Variants in KCTD16 observed in about 807,000 individuals in gnomAD.
The protein encoded by KCTD16 is potassium channel tetramerization domain containing 16, also known as BTB/POZ domain-containing protein KCTD16.
KCTD16 carries 13 observed loss-of-function variants against 33.2 expected under a neutral mutation model. That is an observed-to-expected ratio of 0.39 (90% CI 0.25 to 0.62). The LOEUF (loss-of-function observed/expected upper bound fraction) is 0.62. Ranked by LOEUF, KCTD16 falls within the 20% of genes least tolerant of loss-of-function variation. The probability of loss-of-function intolerance (pLI) is 0.50; values close to 1 mark genes in which losing one functional copy is unlikely to be tolerated. For synonymous variants in KCTD16, 197 were observed against 195.3 expected (o/e 1.01, Z -0.07); for missense variants, 441 against 525.1 (o/e 0.84, Z 1.57).
At chr5:144,387,530 A>G (rs1391089972) in intron 3 of KCTD16, among the ~76,000 whole-genome samples, 1 of 152,168 alleles carries the variant, frequency 6.6e-6, no homozygotes, top group African/African-American at 2.4e-5. Flanking sequence ...GATGCTTCTC[A>G]ACTTACTTAA....
chr5:144,203,598 T>A (rs1421632733), intron 2 of KCTD16, among the ~76,000 whole-genome samples: 1 of 152,178 alleles, frequency 6.6e-6, no homozygotes, highest in African/African-American at 2.4e-5. Context: ...GATTATAATT[T>A]TTCTTACTCT....
chr5:144,286,429 G>A (rs1210143236), intron 3 of KCTD16, among the ~76,000 whole-genome samples: 2 of 152,244 alleles, frequency 1.3e-5, no homozygotes, highest in South Asian at 2.1e-4. Flanking sequence ...TGGAAGAAAA[G>A]TCACTTAACA....
chr5:144,408,922 C>A lies in KCTD16; in HGVS notation c.833-64738C>A, dbSNP rs1752870918. Among the ~76,000 whole-genome samples the A allele has an allele frequency of 2.0e-5, 3 of 152,164 alleles. No individual in the cohort carries two copies. The South Asian group carries it at 6.2e-4, about 32-fold the overall frequency. ...GTCAAATGCCACCTTTTCAGAGAGG[C>A]CATCCCAGGCCACTTTACATAGTAT... On this transcript the variant is annotated intron_variant, in intron 3 of 3. Coordinates refer to ENST00000512467, the MANE Select transcript of KCTD16 (RefSeq NM_020768.4).
chr5:144,272,837 G>T (rs948310742), intron 3 of KCTD16, among the ~76,000 whole-genome samples: 1 of 151,688 alleles, frequency 6.6e-6, no homozygotes, highest in African/African-American at 2.4e-5. Context: ...ACTCAAAATG[G>T]AAAAAAGATC....
chr5:144,334,323 A>C (rs1752426991), intron 3 of KCTD16, among the ~76,000 whole-genome samples: 1 of 152,164 alleles, frequency 6.6e-6, no homozygotes, highest in Non-Finnish European at 1.5e-5. Context: ...TTGGGACTCA[A>C]GGTGGGTGAT....
At chr5:144,259,051 G>A (rs1416796541) in intron 3 of KCTD16, among the ~76,000 whole-genome samples, 2 of 152,076 alleles carry the variant, frequency 1.3e-5, no homozygotes, top group African/African-American at 4.8e-5. Flanking sequence ...GAGGTTAGGA[G>A]ATCGAGACCA....
At chr5:144,385,868 C>T (rs1752312178) in intron 3 of KCTD16, among the ~76,000 whole-genome samples, 1 of 152,074 alleles carries the variant, frequency 6.6e-6, no homozygotes, top group African/African-American at 2.4e-5. Flanking sequence ...TTTGGCCTAA[C>T]AGGACCTAAT....
intron 3 of KCTD16, among the ~76,000 whole-genome samples, chr5:144,245,739 G>A (rs1346289920): frequency 6.6e-6 from 1 of 152,112 alleles, no homozygotes; most frequent in African/African-American, 2.4e-5. Flanking sequence ...GTTTAAAAGT[G>A]TGTAGTACTT....
chr5:144,375,534 C>T (rs1316521151), intron 3 of KCTD16, among the ~76,000 whole-genome samples: 1 of 152,052 alleles, frequency 6.6e-6, no homozygotes, highest in Non-Finnish European at 1.5e-5. Flanking sequence ...CCATATTGAC[C>T]CTGCAGAAGA....
intron 3 of KCTD16, among the ~76,000 whole-genome samples, chr5:144,348,214 C>A (rs562747994): frequency 3.9e-5 from 6 of 152,204 alleles, no homozygotes; most frequent in Non-Finnish European, 8.8e-5. Flanking sequence ...TCCCACAAGG[C>A]ATATATGTGT....
At chr5:144,394,715 G>A (rs932071169) in intron 3 of KCTD16, among the ~76,000 whole-genome samples, 1 of 152,254 alleles carries the variant, frequency 6.6e-6, no homozygotes, top group Non-Finnish European at 1.5e-5. Flanking sequence ...TAAGAATCTG[G>A]CATTTTGCCT....
At chr5:144,231,886 A>G (rs1754113506) in intron 3 of KCTD16, among the ~76,000 whole-genome samples, 1 of 152,174 alleles carries the variant, frequency 6.6e-6, no homozygotes, top group South Asian at 2.1e-4. Context: ...AGTCTCAGAT[A>G]TATCTTTATT....
chr5:144,348,577 T>C (rs1237836827), intron 3 of KCTD16, among the ~76,000 whole-genome samples: 2 of 152,214 alleles, frequency 1.3e-5, no homozygotes, highest in Admixed American at 1.3e-4. Context: ...AATAAATTGT[T>C]TCTTTTCCCT....
intron 3 of KCTD16, among the ~76,000 whole-genome samples, chr5:144,225,614 T>C (rs1264416472): frequency 6.7e-6 from 1 of 148,830 alleles, no homozygotes; most frequent in African/African-American, 2.5e-5. Context: ...AACTAAGAAG[T>C]CATGTTAGAG....
intron 3 of KCTD16, among the ~76,000 whole-genome samples, chr5:144,255,492 A>C (rs1357161622): frequency 6.6e-6 from 1 of 152,170 alleles, no homozygotes; most frequent in Non-Finnish European, 1.5e-5. Context: ...GCCAACACTT[A>C]TTATCATTTG....
chr5:144,288,387 T>C (rs961020249), intron 3 of KCTD16, among the ~76,000 whole-genome samples: 2 of 152,078 alleles, frequency 1.3e-5, no homozygotes, highest in Admixed American at 6.6e-5. Context: ...CCCTGTTAGA[T>C]GAGATGTGGG....
intron 3 of KCTD16, among the ~76,000 whole-genome samples, chr5:144,441,897 A>G (rs1753719893): frequency 6.6e-6 from 1 of 151,008 alleles, no homozygotes; most frequent in African/African-American, 2.4e-5. Flanking sequence ...TGGAGATTGC[A>G]TTGAATCTGT....
At chr5:144,229,163 G>T (rs183219629) in intron 3 of KCTD16, among the ~76,000 whole-genome samples, 21 of 152,288 alleles carry the variant, frequency 1.4e-4, no homozygotes, top group African/African-American at 4.6e-4. Context: ...TCACCAGCAG[G>T]CATGGGGTTT....
intron 3 of KCTD16, among the ~76,000 whole-genome samples, chr5:144,344,539 G>C (rs1316610673): frequency 6.6e-6 from 1 of 151,638 alleles, no homozygotes; most frequent in Non-Finnish European, 1.5e-5. Flanking sequence ...CAAAAAGTGG[G>C]CAAAGGACAT....
Sources: gnomAD v4.1 joint callset for allele counts (sites outside exome capture counted in the v4.1 genomes callset) on GRCh38, gnomAD v4.1.1 for gene constraint, MANE v1.5 for transcripts, NCBI Gene and HGNC (gene_info 2026-07-23, HGNC 2026-07-21) for gene names.